Variants in SYCP3 observed in about 807,000 individuals in gnomAD.
SYCP3 encodes synaptonemal complex protein 3.
Under a neutral mutation model 38.5 loss-of-function variants are expected in SYCP3, and 29 were observed. That is an observed-to-expected ratio of 0.75 (90% CI 0.56 to 1.03). The LOEUF (loss-of-function observed/expected upper bound fraction) is 1.03. Among genes scored for constraint, SYCP3 ranks in the 50% least tolerant of loss-of-function variants. The probability of loss-of-function intolerance (pLI) is 0.00; values close to 1 mark genes in which losing one functional copy is unlikely to be tolerated. For synonymous variants in SYCP3, 79 were observed against 80.3 expected, an observed-to-expected ratio of 0.98 and a Z score of 0.08; for missense variants, 242 against 270.7, an observed-to-expected ratio of 0.89 and a Z score of 0.74.
chr12:101,734,560 A>T (rs1279150753), intron 5 of SYCP3, among the ~76,000 whole-genome samples: 1 of 151,986 alleles, frequency 6.6e-6, no homozygotes, highest in African/African-American at 2.4e-5. Context: ...AGCCAAATAC[A>T]TTTTCACTAG....
chr12:101,738,429 C>CAA (rs553151423), intron 1 of SYCP3, among the ~76,000 whole-genome samples: 4 of 129,738 alleles, frequency 3.1e-5, no homozygotes, highest in East Asian at 2.4e-4. Context: ...AACTTCGTCT[C>CAA]AAAAAAAAAA....
At chr12:101,739,232 G>T in intron 1 of SYCP3, 119 bp downstream of exon 1, 1 of 991,202 alleles carries the variant, frequency 1.0e-6, no homozygotes, top group Non-Finnish European at 1.2e-6. Flanking sequence ...TCAGGTTCGC[G>T]GCCTCCGTTT....
At chr12:101,737,186 T>C (rs1012532156) in intron 3 of SYCP3, 46 bp downstream of exon 3, 3 of 1,606,126 alleles carry the variant, frequency 1.9e-6, no homozygotes, top group African/African-American at 2.7e-5. Flanking sequence ...GCAACTTTTC[T>C]TGAAGTGCTT....
chr12:101,730,121 T>C (rs113344503), intron 7 of SYCP3, among the ~76,000 whole-genome samples: 277 of 152,258 alleles, frequency 1.8e-3, no homozygotes, highest in African/African-American at 6.5e-3. Flanking sequence ...AAAGATAATA[T>C]GGCAGATCTA....
At chr12:101,729,399 T>A in intron 7 of SYCP3, 186 bp from the exon 8 acceptor site, 2 of 604,074 alleles carry the variant, frequency 3.3e-6, no homozygotes. Context: ...ATATAAGACA[T>A]GAATAAAATG....
intron 5 of SYCP3, among the ~76,000 whole-genome samples, chr12:101,733,890 C>G (rs1183412746): frequency 6.6e-6 from 1 of 152,020 alleles, no homozygotes; most frequent in Non-Finnish European, 1.5e-5. Flanking sequence ...CTGTCACAAG[C>G]TTTAGCTCTT....
chr12:101,731,293 G>T (rs533290318), intron 7 of SYCP3, among the ~76,000 whole-genome samples: 2 of 152,218 alleles, frequency 1.3e-5, no homozygotes, highest in African/African-American at 4.8e-5. Context: ...AACTATGACT[G>T]AAGTGTTATT....
intron 4 of SYCP3, among the ~76,000 whole-genome samples, chr12:101,735,884 T>TTTTTTTTAA (rs1566055887): frequency 7.3e-6 from 1 of 137,174 alleles, no homozygotes; most frequent in South Asian, 2.3e-4. Context: ...TTTTTTTTTT[T>TTTTTTTTAA]AAAGACACGG....
chr12:101,737,795 T>A lies in SYCP3; in HGVS notation c.133+8A>T, dbSNP rs1555266162. 1 of 1,614,168 alleles carries A rather than the reference T, an allele frequency of 6.2e-7. No individual in the cohort carries two copies. The highest frequency in any genetic ancestry group is 8.5e-7 in the Non-Finnish European group (1 of 1,180,018). On this transcript the variant is annotated splice_region_variant and intron_variant, in intron 2 of 8. Transcript: ENST00000392924. ...GGACATCACTGCCCAACATGAGATGTACTGCACCTTCAATAACATCTTCCT... is the reference window on the plus strand; with the variant it reads ...GGACATCACTGCCCAACATGAGATGAACTGCACCTTCAATAACATCTTCCT...
intron 7 of SYCP3, chr12:101,730,468 T>C: frequency 2.4e-6 from 1 of 422,758 alleles, no homozygotes; most frequent in Non-Finnish European, 4.6e-6. Context: ...GAAATACTTT[T>C]TAAAATAACA....
chr12:101,731,826 C>A, intron 6 of SYCP3, 160 bp from the exon 7 acceptor site: 1 of 508,674 alleles, frequency 2.0e-6, no homozygotes, highest in South Asian at 3.0e-5. Flanking sequence ...TTTATGTTCA[C>A]CACTAATATG....
Position 101,737,927 on chromosome 12 carries a change from G to A in SYCP3, c.9C>T (p.Ser3=). The change falls in exon 2 of 9, where the codon TCC becomes TCT. Residue 3 remains serine (S), a synonymous_variant. Transcript: ENST00000392924. The part of the protein sequence containing the change: MV[S]SGKKYSRKSG... The stretch of plus-strand genomic sequence containing the variant: ...ATTTCCTGGAATACTTTTTTCCGGA[G>A]GACACCATATTTAGATGCTTCCTGA... 3.1e-6 allele frequency: 5 copies of A among 1,614,036 alleles called. No individual in the cohort carries two copies. In the East Asian group the frequency reaches 6.7e-5, roughly 22 times the overall value.
Position 101,729,089 on chromosome 12 carries a change from A to C in SYCP3, c.657+20T>G, listed in dbSNP as rs753491000. On this transcript the variant is annotated intron_variant, in intron 8 of 8. Transcript: ENST00000392924. ...GCTTATATTAATCCTTATTTTTTCA[A>C]TTTCAATATGATCACTTACAGTTTC... 6.2e-7 allele frequency: 1 copy of C among 1,608,206 alleles called. No homozygotes were observed. The highest frequency in any genetic ancestry group is 8.5e-7 in the Non-Finnish European group (1 of 1,175,672).
chr12:101,739,371 C>G lies in SYCP3; in HGVS notation c.-38G>C. 5 of 1,002,864 alleles carry G rather than the reference C, an allele frequency of 5.0e-6. No homozygotes were observed. The highest frequency in any genetic ancestry group is 6.0e-6 in the Non-Finnish European group (5 of 830,382). The allele number at this position is 1,002,864 out of a possible 1,614,324, so 62.1% of individuals were successfully genotyped here. The stretch of plus-strand genomic sequence containing the variant: ...CACACCTGAAACACACCGCAATGGC[C>G]GAGGACCAGTTACTGGTCGTCGACA... On this transcript the variant is annotated 5_prime_UTR_variant, in exon 1 of 9. Transcript: ENST00000392924.
At chr12:101,730,637 G>GCAC in intron 7 of SYCP3, 7 of 311,666 alleles carry the variant, frequency 2.2e-5, no homozygotes, top group Non-Finnish European at 3.7e-5. Context: ...GGGACTACAG[G>GCAC]TGAGTGCCAC....
chr12:101,731,713 A>C (rs768976418), intron 6 of SYCP3, 47 bp from the exon 7 acceptor site: 1 of 1,356,894 alleles, frequency 7.4e-7, no homozygotes, highest in Non-Finnish European at 1.0e-6. Context: ...ATTTGGGTAA[A>C]ATTTTAAATT....
At position 101,737,312 on chromosome 12, in the gene SYCP3, T is replaced by TAAAAAAA; in HGVS notation, c.134-21_134-15dup. On this transcript the variant is annotated splice_polypyrimidine_tract_variant and intron_variant, in intron 2 of 8. Coordinates refer to ENST00000392924, the MANE Select transcript of SYCP3 (RefSeq NM_001177949.2). ...CTGCAGTCTTCCCTGTATTGACAAT[T>TAAAAAAA]AAAAAAAAAAAAAAAAAGCTTTTGA... 1.4e-6 allele frequency: 2 copies of TAAAAAAA among 1,411,824 alleles called. No homozygotes were observed. Among genetic ancestry groups the TAAAAAAA allele is most frequent in the African/African-American group, 1.5e-5 (1 of 65,184 alleles). 87.5% of individuals were successfully genotyped at this position (1,411,824 alleles called of 1,614,324 possible).
At chr12:101,735,871 A>T (rs2041151) in intron 4 of SYCP3, among the ~76,000 whole-genome samples, 8,312 of 74,974 alleles carry the variant, frequency 0.11, 968 homozygotes, top group Middle Eastern at 0.12. Flanking sequence ...ATATATATAT[A>T]TTTTTTTTTT....
chr12:101,731,498 G>C, intron 7 of SYCP3, 70 bp downstream of exon 7: 1 of 1,083,826 alleles, frequency 9.2e-7, no homozygotes, highest in Non-Finnish European at 1.3e-6. Flanking sequence ...AACTTAGAAA[G>C]AATTATCTTC....
Sources: allele counts gnomAD v4.1 joint callset (sites outside exome capture counted in the v4.1 genomes callset), GRCh38; gene constraint gnomAD v4.1.1; transcripts MANE v1.5; gene names NCBI Gene and HGNC (gene_info 2026-07-23, HGNC 2026-07-21).